CNTNAP5: variants seen among roughly 807,000 people sequenced by gnomAD.
CNTNAP5 encodes the protein contactin associated protein family member 5.
A neutral mutation model predicts 150.2 loss-of-function variants in CNTNAP5; 72 were observed. The ratio of observed to expected loss-of-function variants is 0.48; its 90% CI spans 0.40 to 0.58. CNTNAP5 has a LOEUF of 0.58. CNTNAP5 is among the 20% of genes least tolerant of loss of function. The pLI is 0.00. For missense variants in CNTNAP5, 1,636 were observed against 1,626.2 expected, an observed-to-expected ratio of 1.01 and a Z score of -0.10; for synonymous variants, 672 against 619.8, an observed-to-expected ratio of 1.08 and a Z score of -1.25.
intron 5 of CNTNAP5, among the ~76,000 whole-genome samples, chr2:124,439,525 A>G (rs1335601115): frequency 1.3e-5 from 2 of 152,212 alleles, no homozygotes; most frequent in African/African-American, 2.4e-5. Context: ...TAGACACCAG[A>G]GTAGAGCAAC....
chr2:124,511,997 G>T (rs895062763), intron 8 of CNTNAP5, among the ~76,000 whole-genome samples: 1 of 151,486 alleles, frequency 6.6e-6, no homozygotes, highest in African/African-American at 2.4e-5. Context: ...ATGTTGGTAG[G>T]AGGGTTAACA....
Position 124,044,889 on chromosome 2 carries a change from AACACACACACACAC to A in CNTNAP5, c.82+19187_82+19200del, listed in dbSNP as rs147761848. On this transcript the variant is annotated intron_variant, in intron 1 of 23. Transcript: ENST00000682447. Reference sequence around the variant, plus strand: ...CAGACGGAAGCAATGGTAGTGAGGAAACACACACACACACACACACACACACACACACACACACA... The same window carrying A: ...CAGACGGAAGCAATGGTAGTGAGGAAACACACACACACACACACACACACA... 5.4e-4 allele frequency among the ~76,000 whole-genome samples: 78 copies of A among 144,074 alleles called. 2 individuals are homozygous for A. The South Asian group carries it at 6.2e-3, about 12-fold the overall frequency. 94.5% of individuals were successfully genotyped at this position (144,074 alleles called of 152,430 possible). A position where few individuals can be genotyped will look rare whatever the true frequency, so the allele number is the denominator to read the frequency against.
At chr2:124,655,696 G>A (rs931702197) in intron 13 of CNTNAP5, among the ~76,000 whole-genome samples, 1 of 151,828 alleles carries the variant, frequency 6.6e-6, no homozygotes, top group African/African-American at 2.4e-5. Flanking sequence ...ACAGGAGTTG[G>A]AGATCAGCTT....
At chr2:124,307,450 A>G (rs560527183) in intron 3 of CNTNAP5, among the ~76,000 whole-genome samples, 3 of 152,156 alleles carry the variant, frequency 2.0e-5, no homozygotes, top group Non-Finnish European at 4.4e-5. Flanking sequence ...AGCTCTACTC[A>G]CTGAAATCAC....
chr2:124,894,987 T>G (rs1438736379), intron 21 of CNTNAP5, among the ~76,000 whole-genome samples: 1 of 151,530 alleles, frequency 6.6e-6, no homozygotes. Flanking sequence ...ACTCACTGTC[T>G]TACATCCATC....
intron 17 of CNTNAP5, among the ~76,000 whole-genome samples, chr2:124,786,382 A>AAG (rs1681577804): frequency 2.1e-4 from 19 of 88,380 alleles, no homozygotes; most frequent in Non-Finnish European, 2.2e-4. Context: ...AAAGAAAGAA[A>AAG]GAAAGAAAGA....
At chr2:124,333,288 GA>G (rs1271968676) in intron 3 of CNTNAP5, among the ~76,000 whole-genome samples, 1 of 151,960 alleles carries the variant, frequency 6.6e-6, no homozygotes, top group Non-Finnish European at 1.5e-5. Context: ...ACAAAAAAAT[GA>G]AAACACACAC....
chr2:124,820,538 G>GT (rs1018104491), intron 19 of CNTNAP5, among the ~76,000 whole-genome samples: 6 of 150,322 alleles, frequency 4.0e-5, no homozygotes, highest in African/African-American at 1.5e-4. Context: ...CAAAGGAAAG[G>GT]GGGGGGAGAA....
chr2:124,260,647 C>A (rs1331512560), intron 3 of CNTNAP5, among the ~76,000 whole-genome samples: 4 of 152,178 alleles, frequency 2.6e-5, no homozygotes, highest in African/African-American at 9.7e-5. Context: ...CCAGCATCTA[C>A]AATGAACTCA....
At chr2:124,277,576 G>T (rs1687911335) in intron 3 of CNTNAP5, among the ~76,000 whole-genome samples, 1 of 152,042 alleles carries the variant, frequency 6.6e-6, no homozygotes. Context: ...TTTCCAAGAG[G>T]TTTACTAAAT....
chr2:124,544,298 A>C (rs763655895), intron 10 of CNTNAP5, among the ~76,000 whole-genome samples: 6 of 152,194 alleles, frequency 3.9e-5, no homozygotes, highest in African/African-American at 7.2e-5. Flanking sequence ...GATGAGTTAT[A>C]AATAAGGAAA....
chr2:124,216,408 C>T (rs1355639426), intron 1 of CNTNAP5, among the ~76,000 whole-genome samples: 1 of 151,582 alleles, frequency 6.6e-6, no homozygotes, highest in African/African-American at 2.4e-5. Flanking sequence ...TATTATTATA[C>T]TTTAAGTTTC....
chr2:124,125,510 A>G (rs1271480749), intron 1 of CNTNAP5, among the ~76,000 whole-genome samples: 2 of 152,218 alleles, frequency 1.3e-5, no homozygotes, highest in Non-Finnish European at 2.9e-5. Flanking sequence ...TCAACGAGAC[A>G]GAAAGTTAAC....
intron 1 of CNTNAP5, among the ~76,000 whole-genome samples, chr2:124,072,212 A>G (rs942522551): frequency 7.2e-5 from 11 of 151,964 alleles, no homozygotes; most frequent in Admixed American, 6.6e-4. Context: ...TGGGAATAGA[A>G]AGAACATACC....
chr2:124,608,927 G>A (rs1409080961), intron 11 of CNTNAP5, among the ~76,000 whole-genome samples: 1 of 149,726 alleles, frequency 6.7e-6, no homozygotes, highest in Admixed American at 6.7e-5. Flanking sequence ...CTGGGCAACA[G>A]AGCAGACTCT....
intron 13 of CNTNAP5, among the ~76,000 whole-genome samples, chr2:124,741,878 C>T (rs1286872305): frequency 6.6e-6 from 1 of 152,146 alleles, no homozygotes; most frequent in Non-Finnish European, 1.5e-5. Context: ...CAAACTTACA[C>T]TCTCTTTATA....
chr2:124,474,586 C>A (rs769144798), intron 6 of CNTNAP5, among the ~76,000 whole-genome samples, 153 bp from the exon 7 acceptor site: 1 of 152,010 alleles, frequency 6.6e-6, no homozygotes, highest in Non-Finnish European at 1.5e-5. Flanking sequence ...AATCAGTATC[C>A]TTTTAAATGT....
chr2:124,297,530 C>T (rs1307726831), intron 3 of CNTNAP5, among the ~76,000 whole-genome samples: 1 of 151,974 alleles, frequency 6.6e-6, no homozygotes, highest in Admixed American at 6.6e-5. Context: ...CAAAAAGTTC[C>T]CACATTTCTG....
At chr2:124,893,689 C>T (rs967376847) in intron 21 of CNTNAP5, among the ~76,000 whole-genome samples, 2 of 152,084 alleles carry the variant, frequency 1.3e-5, no homozygotes, top group African/African-American at 2.4e-5. Flanking sequence ...CACTAAAAAA[C>T]ACAGAAAGGC....
Sources: gnomAD v4.1 joint callset for allele counts (sites outside exome capture counted in the v4.1 genomes callset) on GRCh38, gnomAD v4.1.1 for gene constraint, MANE v1.5 for transcripts, NCBI Gene and HGNC (gene_info 2026-07-23, HGNC 2026-07-21) for gene names.